Variants in CPQ observed in about 807,000 individuals in gnomAD.
CPQ encodes Ser-Met dipeptidase.
Under a neutral mutation model 45.7 loss-of-function variants are expected in CPQ, and 37 were observed. The ratio of observed to expected loss-of-function variants is 0.81; its 90% CI spans 0.62 to 1.07. The LOEUF (loss-of-function observed/expected upper bound fraction) is 1.07, where lower values mean the gene tolerates loss of function less well. CPQ is among the 50% of genes least tolerant of loss of function. CPQ has a pLI of 0.00. For synonymous variants in CPQ, 186 were observed against 205.8 expected (o/e 0.90, Z 0.82); for missense variants, 537 against 572.9 (o/e 0.94, Z 0.64).
intron 7 of CPQ, among the ~76,000 whole-genome samples, chr8:97,125,070 T>A (rs946129792): frequency 6.6e-6 from 1 of 152,124 alleles, no homozygotes; most frequent in Non-Finnish European, 1.5e-5. Context: ...ACAGGACACA[T>A]GACTACACAT....
chr8:97,001,721 C>CTTTTTT (rs61282246), intron 5 of CPQ, among the ~76,000 whole-genome samples: 1,613 of 91,788 alleles, frequency 0.018, 1 homozygote, highest in African/African-American at 0.024. Context: ...TTCTTTCTTT[C>CTTTTTT]TTTTTTTTTT....
intron 6 of CPQ, among the ~76,000 whole-genome samples, chr8:97,061,804 T>A (rs930405950): frequency 1.3e-5 from 2 of 152,124 alleles, no homozygotes; most frequent in Non-Finnish European, 2.9e-5. Flanking sequence ...ACAACAGTAA[T>A]GCTACTGTTT....
At chr8:96,917,062 G>A (rs573683446) in intron 4 of CPQ, among the ~76,000 whole-genome samples, 35 of 151,926 alleles carry the variant, frequency 2.3e-4, no homozygotes, top group Admixed American at 9.2e-4. Flanking sequence ...GCACTCTTTG[G>A]AAGGAAATCA....
intron 3 of CPQ, among the ~76,000 whole-genome samples, chr8:96,839,726 G>A (rs1586421653): frequency 1.3e-5 from 2 of 152,078 alleles, no homozygotes; most frequent in East Asian, 1.9e-4. Flanking sequence ...AAAGAGAAGG[G>A]GGTAAGAACA....
chr8:96,823,437 C>G (rs1811336595), intron 2 of CPQ, among the ~76,000 whole-genome samples: 1 of 151,878 alleles, frequency 6.6e-6, no homozygotes, highest in Non-Finnish European at 1.5e-5. Context: ...AATCTTCTGC[C>G]TGATTATGTT....
intron 2 of CPQ, among the ~76,000 whole-genome samples, chr8:96,790,783 G>A (rs190158757): frequency 4.7e-4 from 72 of 152,212 alleles, no homozygotes; most frequent in African/African-American, 1.7e-3. Context: ...TTTGCTGTAT[G>A]CCCTTAGGGG....
intron 5 of CPQ, among the ~76,000 whole-genome samples, chr8:96,984,174 CCACAGATTGCTT>C (rs367917476): frequency 1.4e-3 from 207 of 152,064 alleles, no homozygotes; most frequent in African/African-American, 4.8e-3. Flanking sequence ...AATATAGTAA[CCACAGATTGCTT>C]CAATATATCC....
intron 4 of CPQ, among the ~76,000 whole-genome samples, chr8:96,936,727 A>G (rs1047325796): frequency 1.2e-4 from 18 of 152,214 alleles, no homozygotes; most frequent in Non-Finnish European, 1.9e-4. Flanking sequence ...AAAGTTTTCC[A>G]CATATATGAA....
At chr8:96,684,392 C>T (rs1433423602) in intron 1 of CPQ, among the ~76,000 whole-genome samples, 1 of 152,200 alleles carries the variant, frequency 6.6e-6, no homozygotes, top group Non-Finnish European at 1.5e-5. Flanking sequence ...GATGGGCATG[C>T]CATGCAGGCT....
In CPQ at chr8:96,785,349, G is replaced by A. The variant is rs778765627; in HGVS notation, c.433+19G>A. The A allele has an allele frequency of 3.5e-5, 55 of 1,553,176 alleles. No individual in the cohort carries two copies. The highest frequency in any genetic ancestry group is 4.5e-5 in the Non-Finnish European group (52 of 1,148,098). ...CCAGAAGGTATTGTTTGTCTTTTCA[G>A]TTTGATTTGTATTTTATAAAACTAA... On this transcript the variant is annotated intron_variant, in intron 2 of 7. Coordinates refer to ENST00000220763, the MANE Select transcript of CPQ (RefSeq NM_016134.4).
chr8:96,824,507 T>G (rs1408139742), intron 2 of CPQ, among the ~76,000 whole-genome samples: 1 of 152,040 alleles, frequency 6.6e-6, no homozygotes, highest in African/African-American at 2.4e-5. Context: ...TTTATTTAAA[T>G]ATTTGAAATC....
chr8:96,941,819 A>T (rs1287702729), intron 4 of CPQ, among the ~76,000 whole-genome samples: 1 of 152,216 alleles, frequency 6.6e-6, no homozygotes, highest in Non-Finnish European at 1.5e-5. Context: ...CACTGTTTTC[A>T]TATCTTTACA....
At chr8:97,085,213 G>C (rs147450247) in intron 7 of CPQ, among the ~76,000 whole-genome samples, 236 of 152,068 alleles carry the variant, frequency 1.6e-3, no homozygotes, top group African/African-American at 5.4e-3. Flanking sequence ...GCAAGACCCT[G>C]TCTCTACATA....
At chr8:96,786,603 A>T (rs188439049) in intron 2 of CPQ, among the ~76,000 whole-genome samples, 2 of 152,306 alleles carry the variant, frequency 1.3e-5, no homozygotes, top group Non-Finnish European at 2.9e-5. Context: ...GGTATTGCCA[A>T]ACTGTTTTCT....
At chr8:96,689,980 A>G (rs186319910) in intron 1 of CPQ, among the ~76,000 whole-genome samples, 2 of 152,126 alleles carry the variant, frequency 1.3e-5, no homozygotes, top group Non-Finnish European at 2.9e-5. Flanking sequence ...GATTGTCTCC[A>G]ATATGACCTT....
chr8:96,747,292 A>G (rs1437102172), intron 1 of CPQ, among the ~76,000 whole-genome samples: 2 of 117,950 alleles, frequency 1.7e-5, no homozygotes, highest in Admixed American at 1.9e-4. Flanking sequence ...CTTTGTCTCA[A>G]AAAAAAAAAA....
rs938472425 is a variant in CPQ, at chr8:96,779,967, A to C, written c.-34-4897A>C. Among the ~76,000 whole-genome samples the C allele has an allele frequency of 1.2e-3, 177 of 152,348 alleles. 2 individuals are homozygous for C. The highest frequency in any genetic ancestry group is 2.1e-4 in the Non-Finnish European group (14 of 68,034). ...TATAGTTTTCATAATTTTTCAAAAT[A>C]GTTTAAATATGATAGCAACTTTTTA... On this transcript the variant is annotated intron_variant, in intron 1 of 7. Coordinates refer to ENST00000220763, the MANE Select transcript of CPQ (RefSeq NM_016134.4).
chr8:97,092,165 G>C (rs1039095764), intron 7 of CPQ, among the ~76,000 whole-genome samples: 1 of 152,154 alleles, frequency 6.6e-6, no homozygotes, highest in Non-Finnish European at 1.5e-5. Context: ...AGGGGAAAAT[G>C]TATGGGATGA....
chr8:97,018,225 G>A (rs530679978), intron 5 of CPQ, among the ~76,000 whole-genome samples: 2 of 152,296 alleles, frequency 1.3e-5, no homozygotes, highest in South Asian at 4.1e-4. Context: ...GAGACAAAAG[G>A]AACTGAACAC....
Sources: gnomAD v4.1 joint callset for allele counts (sites outside exome capture counted in the v4.1 genomes callset) on GRCh38, gnomAD v4.1.1 for gene constraint, MANE v1.5 for transcripts, NCBI Gene and HGNC (gene_info 2026-07-23, HGNC 2026-07-21) for gene names.